ENO4: variants seen among roughly 807,000 people sequenced by gnomAD.
ENO4 encodes the protein enolase 4.
Under a neutral mutation model 63.2 loss-of-function variants are expected in ENO4, and 53 were observed. The observed-to-expected ratio is 0.84, with a 90% CI of 0.67 to 1.05. ENO4 has a LOEUF of 1.05. ENO4 is among the 50% of genes least tolerant of loss of function. The pLI, the probability that ENO4 is intolerant of heterozygous loss-of-function variation, is 0.00. For synonymous variants in ENO4, 266 were observed against 283.8 expected (o/e 0.94, Z 0.63); for missense variants, 719 against 772.0 (o/e 0.93, Z 0.81).
chr10:116,871,487 T>A (rs1255046938), intron 9 of ENO4, among the ~76,000 whole-genome samples, 195 bp downstream of exon 9: 1 of 152,148 alleles, frequency 6.6e-6, no homozygotes, highest in Non-Finnish European at 1.5e-5. Context: ...ACCATAAAAT[T>A]TTTTAAATAG....
intron 7 of ENO4, among the ~76,000 whole-genome samples, chr10:116,864,020 C>A (rs1450031478): frequency 6.6e-6 from 1 of 152,164 alleles, no homozygotes; most frequent in African/African-American, 2.4e-5. Flanking sequence ...GATCAGTACC[C>A]AAGTCATGAG....
intron 3 of ENO4, among the ~76,000 whole-genome samples, chr10:116,857,420 C>G (rs534174456): frequency 6.6e-6 from 1 of 152,306 alleles, no homozygotes; most frequent in Admixed American, 6.5e-5. Flanking sequence ...TTGACTCAAA[C>G]ACGCTAACAA....
intron 10 of ENO4, chr10:116,901,951 G>A (rs781547165): frequency 6.3e-7 from 1 of 1,595,748 alleles, no homozygotes; most frequent in East Asian, 2.3e-5. Context: ...TAATATCCCA[G>A]TTGGACCTTA....
rs1308566013 is a variant in ENO4, at chr10:116,881,928, AC to A, written c.*260del. 2 of 327,826 alleles carry A rather than the reference AC, an allele frequency of 6.1e-6. No homozygotes were observed. Among genetic ancestry groups the A allele is most frequent in the Non-Finnish European group, 1.1e-5 (2 of 182,618 alleles). 20.3% of individuals were successfully genotyped at this position (327,826 alleles called of 1,614,324 possible). A position where few individuals can be genotyped will look rare whatever the true frequency, so the allele number is the denominator to read the frequency against. On this transcript the variant is annotated 3_prime_UTR_variant, in exon 14 of 14. Transcript: ENST00000341276. ...GCTCTCCTGTCCATTTTTCAGGGACACGCTCCAGTAAAAGAGGCCAATATTT... is the reference window on the plus strand; with the variant it reads ...GCTCTCCTGTCCATTTTTCAGGGACAGCTCCAGTAAAAGAGGCCAATATTT...
chr10:116,876,315 C>A (rs1846832680), intron 11 of ENO4, 55 bp downstream of exon 11: 2 of 1,283,052 alleles, frequency 1.6e-6, no homozygotes, highest in East Asian at 2.7e-5. Context: ...TACAAGAAAC[C>A]AAAAATACAC....
chr10:116,893,864 A>T (rs1348207097), intron 10 of ENO4, among the ~76,000 whole-genome samples: 2 of 152,196 alleles, frequency 1.3e-5, no homozygotes, highest in Non-Finnish European at 2.9e-5. Context: ...TTGCTAATGT[A>T]TTTCAAAAGC....
At chr10:116,856,260 G>A (rs1846254736) in intron 2 of ENO4, among the ~76,000 whole-genome samples, 2 of 152,158 alleles carry the variant, frequency 1.3e-5, no homozygotes, top group Admixed American at 1.3e-4. Context: ...GAGAGGTAGT[G>A]ATAAAAATGA....
At chr10:116,896,991 G>A (rs1847546232) in intron 10 of ENO4, among the ~76,000 whole-genome samples, 1 of 152,066 alleles carries the variant, frequency 6.6e-6, no homozygotes, top group South Asian at 2.1e-4. Flanking sequence ...ATTTTTAGTA[G>A]AGATAGGGTT....
At chr10:116,876,629 G>A (rs1188585090) in intron 11 of ENO4, among the ~76,000 whole-genome samples, 1 of 152,218 alleles carries the variant, frequency 6.6e-6, no homozygotes, top group African/African-American at 2.4e-5. Flanking sequence ...TTTAGGTTCT[G>A]AGCTTGGACT....
rs930215164 is a variant in ENO4, at chr10:116,903,713, C to T, written c.1195-7786C>T. Among the ~76,000 whole-genome samples the T allele has an allele frequency of 5.3e-5, 8 of 152,136 alleles. No individual in the cohort carries two copies. The South Asian group carries it at 1.2e-3, about 24-fold the overall frequency. ...TATTCTGCCCTTGGGTAAGCGTTGA[C>T]TACAATACTAGTTAGCTTTAAACAA... On this transcript the variant is annotated intron_variant, in intron 10 of 10. Transcript: ENST00000369207.
chr10:116,869,772 C>A (rs1009439810), intron 8 of ENO4, among the ~76,000 whole-genome samples: 5 of 152,072 alleles, frequency 3.3e-5, no homozygotes, highest in Admixed American at 3.3e-4. Context: ...ACTACTTTTT[C>A]TTTTTCCCAT....
chr10:116,862,392 G>A (rs76080305), intron 6 of ENO4, among the ~76,000 whole-genome samples: 5 of 152,150 alleles, frequency 3.3e-5, no homozygotes, highest in Admixed American at 6.5e-5. Context: ...TGAACAATTC[G>A]GAGTTTGCAG....
chr10:116,863,581 C>A (rs1336286368), intron 7 of ENO4, among the ~76,000 whole-genome samples: 1 of 152,220 alleles, frequency 6.6e-6, no homozygotes, highest in Non-Finnish European at 1.5e-5. Context: ...CAGGATCCCA[C>A]ATTGCATTTA....
At chr10:116,873,944 C>A in intron 9 of ENO4, 132 bp from the exon 10 acceptor site, 1 of 1,325,744 alleles carries the variant, frequency 7.5e-7, no homozygotes, top group Non-Finnish European at 9.8e-7. Context: ...TTTCTCAGGT[C>A]AACGTGCCCT....
chr10:116,901,743 AGT>A, intron 10 of ENO4: 2 of 1,562,354 alleles, frequency 1.3e-6, no homozygotes, highest in Non-Finnish European at 1.7e-6. Context: ...TACACCACTT[AGT>A]AAAGAGCATC....
chr10:116,869,366 G>A (rs1846630139), intron 8 of ENO4, among the ~76,000 whole-genome samples: 1 of 152,160 alleles, frequency 6.6e-6, no homozygotes, highest in South Asian at 2.1e-4. Context: ...GCATGCACAT[G>A]GGTGAAGGTT....
chr10:116,871,656 T>C (rs932193619), intron 9 of ENO4, among the ~76,000 whole-genome samples: 5 of 152,326 alleles, frequency 3.3e-5, no homozygotes, highest in South Asian at 4.1e-4. Flanking sequence ...AGTTGTAACT[T>C]ATGATGTGAT....
Position 116,855,753 on chromosome 10 carries a change from T to C in ENO4, c.294+2T>C, listed in dbSNP as rs1164185058. On this transcript the variant is annotated splice_donor_variant, in intron 2 of 13. Transcript: ENST00000341276. LOFTEE classifies it high-confidence loss of function. The stretch of plus-strand genomic sequence containing the variant: ...TGCACCATTCAAAACTTTCCCAAGG[T>C]ATGAGGCAGTTTAAGTGTGTTCTTT... The C allele has an allele frequency of 2.0e-6, 3 of 1,532,694 alleles. No homozygotes were observed. The African/African-American group carries it at 4.1e-5, about 21-fold the overall frequency. 94.9% of individuals were successfully genotyped at this position (1,532,694 alleles called of 1,614,324 possible).
intron 6 of ENO4, among the ~76,000 whole-genome samples, chr10:116,862,411 G>C (rs575855246): frequency 3.8e-4 from 58 of 152,000 alleles, no homozygotes; most frequent in Non-Finnish European, 7.6e-4. Flanking sequence ...AGTAGGCCGA[G>C]ATCATTGCCA....
Sources: allele counts gnomAD v4.1 joint callset (sites outside exome capture counted in the v4.1 genomes callset), GRCh38; gene constraint gnomAD v4.1.1; transcripts MANE v1.5; gene names NCBI Gene and HGNC (gene_info 2026-07-23, HGNC 2026-07-21).